The following ERBB4 variants were observed in gnomAD, a reference collection of about 807,000 sequenced individuals.
ERBB4 encodes receptor tyrosine-protein kinase erbB-4.
In ERBB4, 42 loss-of-function variants were observed where a neutral mutation model predicts 158.0. That is an observed-to-expected ratio of 0.27 (90% CI 0.21 to 0.34). ERBB4 has a LOEUF of 0.34. Ranked by LOEUF, ERBB4 falls within the 10% of genes least tolerant of loss-of-function variation. ERBB4 has a pLI of 1.00. For missense variants in ERBB4, 1,333 were observed against 1,624.1 expected, an observed-to-expected ratio of 0.82 and a Z score of 3.08; for synonymous variants, 583 against 558.7, an observed-to-expected ratio of 1.04 and a Z score of -0.61.
At chr2:212,437,907 C>T (rs2092172773) in intron 1 of ERBB4, among the ~76,000 whole-genome samples, 1 of 151,942 alleles carries the variant, frequency 6.6e-6, no homozygotes, top group South Asian at 2.1e-4. Context: ...AGAAAGCCAC[C>T]CTGATATTTC....
In ERBB4 at chr2:211,383,359, C is replaced by A; in HGVS notation, c.*256G>T. ...TTGCCTTACATTTTCTGGTCCTTCTCTAGCTGTTTCATTCTCCTGACCAAC... is the reference window on the plus strand; with the variant it reads ...TTGCCTTACATTTTCTGGTCCTTCTATAGCTGTTTCATTCTCCTGACCAAC... On this transcript the variant is annotated 3_prime_UTR_variant, in exon 28 of 28. Coordinates refer to ENST00000342788, the MANE Select transcript of ERBB4 (RefSeq NM_005235.3). The A allele has an allele frequency of 2.1e-6, 1 of 472,784 alleles. No homozygotes were observed. The highest frequency in any genetic ancestry group is 3.8e-6 in the Non-Finnish European group (1 of 261,688). 29.3% of individuals were successfully genotyped at this position (472,784 alleles called of 1,614,324 possible).
intron 14 of ERBB4, among the ~76,000 whole-genome samples, chr2:211,667,649 A>T (rs1178948587): frequency 1.3e-5 from 2 of 152,206 alleles, no homozygotes; most frequent in African/African-American, 4.8e-5. Flanking sequence ...TTATTGTACA[A>T]GACAAGAGAC....
At chr2:211,976,762 C>T (rs2081620008) in intron 2 of ERBB4, among the ~76,000 whole-genome samples, 1 of 151,944 alleles carries the variant, frequency 6.6e-6, no homozygotes, top group Non-Finnish European at 1.5e-5. Flanking sequence ...CCAGTTTTAG[C>T]CAACAAGTCC....
intron 1 of ERBB4, among the ~76,000 whole-genome samples, chr2:212,449,326 T>C (rs2092411592): frequency 1.3e-5 from 2 of 152,164 alleles, no homozygotes; most frequent in African/African-American, 4.8e-5. Flanking sequence ...ATCAGCAGAC[T>C]TCTGAAATTT....
At chr2:211,798,830 G>A (rs2076438582) in intron 3 of ERBB4, among the ~76,000 whole-genome samples, 1 of 152,086 alleles carries the variant, frequency 6.6e-6, no homozygotes. Flanking sequence ...GGGTTTCTCT[G>A]TATTTCATAA....
chr2:211,885,118 T>G (rs2078763363), intron 3 of ERBB4, among the ~76,000 whole-genome samples: 1 of 152,158 alleles, frequency 6.6e-6, no homozygotes, highest in Admixed American at 6.5e-5. Flanking sequence ...TATTTAAAAT[T>G]AAAACTTTTT....
intron 12 of ERBB4, among the ~76,000 whole-genome samples, chr2:211,698,538 T>G (rs2073110368): frequency 6.6e-6 from 1 of 151,630 alleles, no homozygotes; most frequent in African/African-American, 2.4e-5. Context: ...TTTAAAAATA[T>G]TTTTATATAT....
intron 1 of ERBB4, among the ~76,000 whole-genome samples, chr2:212,382,076 T>C (rs2090520767): frequency 1.3e-5 from 2 of 150,988 alleles, no homozygotes; most frequent in Admixed American, 6.7e-5. Context: ...AATCAGATTC[T>C]GCATTTCACT....
intron 4 of ERBB4, among the ~76,000 whole-genome samples, chr2:211,752,328 T>A (rs548939233): frequency 2.0e-5 from 3 of 152,144 alleles, no homozygotes; most frequent in African/African-American, 7.2e-5. Flanking sequence ...TGTGTTTTCT[T>A]AGATTTGGTA....
At chr2:211,701,775 AAAAAAAAAAG>A (rs1239108731) in intron 12 of ERBB4, among the ~76,000 whole-genome samples, 182 bp downstream of exon 12, 1 of 151,084 alleles carries the variant, frequency 6.6e-6, no homozygotes, top group African/African-American at 2.4e-5. Context: ...AAAAAAAAAA[AAAAAAAAAAG>A]AAAGTCACTT....
intron 12 of ERBB4, among the ~76,000 whole-genome samples, chr2:211,691,568 A>ATGTGTGTGTGTGTGTG (rs61091828): frequency 2.2e-4 from 30 of 139,144 alleles, no homozygotes; most frequent in African/African-American, 6.5e-4. Context: ...ATAGAAACAT[A>ATGTGTGTGTGTGTGTG]TGTGTGTGTG....
chr2:211,709,492 A>C (rs1349935301), intron 9 of ERBB4, among the ~76,000 whole-genome samples: 6 of 151,854 alleles, frequency 4.0e-5, no homozygotes, highest in Non-Finnish European at 7.4e-5. Context: ...GGTGGTTTGC[A>C]ATCTTTCTAC....
At chr2:211,421,329 C>G (rs1189237337) in intron 24 of ERBB4, among the ~76,000 whole-genome samples, 1 of 151,832 alleles carries the variant, frequency 6.6e-6, no homozygotes, top group Admixed American at 6.6e-5. Flanking sequence ...ATAAAGGCTA[C>G]CTTGCTTTAC....
intron 3 of ERBB4, among the ~76,000 whole-genome samples, chr2:211,881,425 G>T (rs1162970097): frequency 6.6e-6 from 1 of 152,162 alleles, no homozygotes; most frequent in Non-Finnish European, 1.5e-5. Flanking sequence ...AAGCTTGCAC[G>T]GGGGAATGCT....
At chr2:212,091,887 T>C (rs79897295) in intron 2 of ERBB4, among the ~76,000 whole-genome samples, 1 of 152,194 alleles carries the variant, frequency 6.6e-6, no homozygotes, top group African/African-American at 2.4e-5. Flanking sequence ...TTTATTACTT[T>C]TTTTTATTCA....
chr2:212,326,829 G>A (rs78109420), intron 1 of ERBB4, among the ~76,000 whole-genome samples: 28,913 of 150,656 alleles, frequency 0.19, 3,876 homozygotes, highest in South Asian at 0.28. Context: ...TTTGCTGTGT[G>A]TGCATGTGCA....
intron 12 of ERBB4, among the ~76,000 whole-genome samples, chr2:211,697,205 C>T (rs921615180): frequency 6.6e-6 from 1 of 152,070 alleles, no homozygotes; most frequent in Non-Finnish European, 1.5e-5. Context: ...GAGTCTGGCA[C>T]CTTTTAGCTG....
chr2:211,945,693 G>A (rs1400657475), intron 3 of ERBB4, among the ~76,000 whole-genome samples: 1 of 152,018 alleles, frequency 6.6e-6, no homozygotes, highest in East Asian at 1.9e-4. Flanking sequence ...TATGAAGTAT[G>A]TTTAAATGTG....
intron 3 of ERBB4, among the ~76,000 whole-genome samples, chr2:211,841,455 G>A (rs756933500): frequency 2.0e-5 from 3 of 151,996 alleles, no homozygotes; most frequent in Non-Finnish European, 4.4e-5. Context: ...ATGATACCAT[G>A]ACACATTGTA....
Sources: allele counts gnomAD v4.1 joint callset (sites outside exome capture counted in the v4.1 genomes callset), GRCh38; gene constraint gnomAD v4.1.1; transcripts MANE v1.5; gene names NCBI Gene and HGNC (gene_info 2026-07-23, HGNC 2026-07-21).